DAB1: variants seen among roughly 807,000 people sequenced by gnomAD.
The protein encoded by DAB1 is DAB adaptor protein 1, also known as disabled homolog 1.
A neutral mutation model predicts 64.6 loss-of-function variants in DAB1; 15 were observed. The ratio of observed to expected loss-of-function variants is 0.23; its 90% CI spans 0.16 to 0.36. DAB1 has a LOEUF of 0.36. DAB1 is among the 10% of genes least tolerant of loss of function. DAB1 has a pLI of 1.00. For synonymous variants in DAB1, 235 were observed against 251.9 expected, an observed-to-expected ratio of 0.93 and a Z score of 0.64; for missense variants, 596 against 706.7, an observed-to-expected ratio of 0.84 and a Z score of 1.78.
intron 2 of DAB1, among the ~76,000 whole-genome samples, chr1:57,256,353 T>C (rs1669759957): frequency 1.3e-5 from 2 of 152,182 alleles, no homozygotes; most frequent in Non-Finnish European, 2.9e-5. Flanking sequence ...AAGGGGTCTC[T>C]GAGGTTCATA....
intron 4 of DAB1, among the ~76,000 whole-genome samples, chr1:58,274,454 T>C (rs1482197932): frequency 1.4e-5 from 2 of 140,188 alleles, no homozygotes; most frequent in Non-Finnish European, 3.1e-5. Context: ...TACTGCTGTC[T>C]TTTTGTTTGT....
rs79479124 is a variant in DAB1, at chr1:57,480,302, C to G, written n.625+169290G>C. Among the ~76,000 whole-genome samples the G allele has an allele frequency of 7.3e-3, 1,116 of 152,154 alleles. 41 individuals carry two copies. In the East Asian group the frequency reaches 0.13, roughly 17 times the overall value. ...GGTTCAAGAGGAAAGAACATGGGCT[C>G]TAGCTTAGATGGGATAATGGGTCAC... On this transcript the variant is annotated intron_variant and non_coding_transcript_variant, in intron 7 of 20. Transcript: ENST00000485760.
intron 1 of DAB1, among the ~76,000 whole-genome samples, chr1:57,356,309 A>G (rs543981055): frequency 1.3e-5 from 2 of 152,138 alleles, no homozygotes; most frequent in Non-Finnish European, 2.9e-5. Flanking sequence ...AAACTTGCTC[A>G]GTTCAATCCT....
upstream of DAB1, among the ~76,000 whole-genome samples, chr1:57,427,336 T>C (rs1685329474): frequency 6.6e-6 from 1 of 152,196 alleles, no homozygotes; most frequent in Admixed American, 6.5e-5. Context: ...ATCAGAAACA[T>C]ATTCTACCTT....
At chr1:57,926,912 T>C (rs957499372) in intron 5 of DAB1, among the ~76,000 whole-genome samples, 2 of 152,202 alleles carry the variant, frequency 1.3e-5, no homozygotes, top group African/African-American at 4.8e-5. Flanking sequence ...ATATAGTTTC[T>C]CACAGAACAG....
chr1:57,676,017 G>C (rs1234937317), intron 6 of DAB1, among the ~76,000 whole-genome samples: 1 of 152,196 alleles, frequency 6.6e-6, no homozygotes. Context: ...CAAGGACCAA[G>C]AGTTAAGGAC....
At chr1:58,422,752 C>G (rs1307382282) in intron 3 of DAB1, among the ~76,000 whole-genome samples, 1 of 151,936 alleles carries the variant, frequency 6.6e-6, no homozygotes, top group East Asian at 1.9e-4. Context: ...GCCTGACAAC[C>G]ACCATCTCAA....
chr1:57,235,835 G>A (rs773458578), intron 2 of DAB1, among the ~76,000 whole-genome samples: 15 of 152,116 alleles, frequency 9.9e-5, no homozygotes, highest in East Asian at 3.9e-4. Flanking sequence ...TAATGTAGAC[G>A]CATCACAATG....
intron 7 of DAB1, among the ~76,000 whole-genome samples, chr1:57,443,391 C>T (rs1686024407): frequency 6.6e-6 from 1 of 152,220 alleles, no homozygotes; most frequent in South Asian, 2.1e-4. Context: ...TGTGCCATGT[C>T]TCTTCAAGGT....
intron 3 of DAB1, among the ~76,000 whole-genome samples, chr1:58,497,938 C>T (rs953356018): frequency 6.6e-6 from 1 of 152,128 alleles, no homozygotes; most frequent in Non-Finnish European, 1.5e-5. Flanking sequence ...AGGAAGTATA[C>T]ATGTTAAAAA....
intron 2 of DAB1, among the ~76,000 whole-genome samples, chr1:57,176,706 G>A (rs1436337998): frequency 3.9e-5 from 6 of 152,042 alleles, no homozygotes; most frequent in African/African-American, 1.4e-4. Flanking sequence ...GAATGCTAAA[G>A]GTCTAGTAAA....
In DAB1 at chr1:58,106,132, TTCTC is replaced by T. The variant is rs1413791743; in HGVS notation, n.387+44375_387+44378del. On this transcript the variant is annotated intron_variant and non_coding_transcript_variant, in intron 5 of 20. Coordinates refer to the DAB1 transcript ENST00000485760. ...TCCTTTTCTTTCTTCCTTCTTTTCT[TTCTC>T]TTTCTTTCTTTTCTTTCTTTCTTTC... Among the ~76,000 whole-genome samples, 5 of 151,696 alleles carry T rather than the reference TTCTC, an allele frequency of 3.3e-5. No individual in the cohort carries two copies. In the South Asian group the frequency reaches 1.0e-3, roughly 32 times the overall value.
intron 6 of DAB1, among the ~76,000 whole-genome samples, chr1:57,753,706 G>A (rs1160215740): frequency 6.6e-6 from 1 of 152,082 alleles, no homozygotes; most frequent in Non-Finnish European, 1.5e-5. Flanking sequence ...CATCACACTT[G>A]TTACCCTAAC....
intron 5 of DAB1, among the ~76,000 whole-genome samples, chr1:58,067,175 A>T (rs1048390728): frequency 5.9e-5 from 9 of 152,202 alleles, no homozygotes; most frequent in Non-Finnish European, 1.2e-4. Flanking sequence ...TATTTGAGTG[A>T]CTAAAATCAC....
At chr1:57,731,788 G>A (rs960716546) in intron 6 of DAB1, among the ~76,000 whole-genome samples, 11 of 146,644 alleles carry the variant, frequency 7.5e-5, no homozygotes, top group African/African-American at 2.5e-4. Flanking sequence ...CTGGGTGACA[G>A]AGTGAGATGC....
chr1:57,091,117 T>A lies in DAB1; in HGVS notation c.307-18703A>T, dbSNP rs150061713. On this transcript the variant is annotated intron_variant, in intron 4 of 14. Transcript: ENST00000371236. ...GCTGTGAGGGTTTCTTCTTGCCACA[T>A]CCCCTTGTTGCCCCATGCTGGGTGT... 1.5e-3 allele frequency among the ~76,000 whole-genome samples: 223 copies of A among 152,232 alleles called. 1 individual carries two copies. Among genetic ancestry groups the A allele is most frequent in the African/African-American group, 5.0e-3 (209 of 41,522 alleles).
chr1:58,404,590 G>T (rs977729988), intron 3 of DAB1, among the ~76,000 whole-genome samples: 1 of 152,124 alleles, frequency 6.6e-6, no homozygotes, highest in African/African-American at 2.4e-5. Flanking sequence ...GGCCCAGAGC[G>T]GACTGTTAGG....
At chr1:57,269,104 G>A (rs1670795612) in intron 2 of DAB1, among the ~76,000 whole-genome samples, 1 of 152,106 alleles carries the variant, frequency 6.6e-6, no homozygotes, top group African/African-American at 2.4e-5. Flanking sequence ...TACAGCCACT[G>A]TCAGAGCCAC....
intron 4 of DAB1, among the ~76,000 whole-genome samples, chr1:57,135,710 A>C (rs185026536): frequency 6.6e-6 from 1 of 152,224 alleles, no homozygotes; most frequent in African/African-American, 2.4e-5. Context: ...AGGAAGAGAA[A>C]ATAATAATGC....
Sources: allele counts gnomAD v4.1 joint callset (sites outside exome capture counted in the v4.1 genomes callset), GRCh38; gene constraint gnomAD v4.1.1; transcripts MANE v1.5; gene names NCBI Gene and HGNC (gene_info 2026-07-23, HGNC 2026-07-21).